CARS1: variants seen among roughly 807,000 people sequenced by gnomAD.
CARS1 encodes cysteine--tRNA ligase, cytoplasmic.
Under a neutral mutation model 106.2 loss-of-function variants are expected in CARS1, and 48 were observed. That is an observed-to-expected ratio of 0.45 (90% CI 0.36 to 0.57). The LOEUF (loss-of-function observed/expected upper bound fraction) is 0.57, where lower values mean the gene tolerates loss of function less well. Among genes scored for constraint, CARS1 ranks in the 20% least tolerant of loss-of-function variants. The pLI is 0.00. For synonymous variants in CARS1, 409 were observed against 403.4 expected (o/e 1.01, Z -0.17); for missense variants, 968 against 1,057.2 (o/e 0.92, Z 1.17).
chr11:3,041,220 C>A lies in CARS1; in HGVS notation c.367-236G>T. The stretch of plus-strand genomic sequence containing the variant: ...GGGCCTCTTCCTCCCTGGGGTTCTA[C>A]TCATCTATGGAGGGAGGCGATAAAG... On this transcript the variant is annotated intron_variant, in intron 3 of 22. Coordinates refer to ENST00000380525, the MANE Select transcript of CARS1 (RefSeq NM_001014437.3). This position sits in a 1 kb window ranked among gnomAD's most constrained non-coding sequence, Gnocchi z 4.9. 1.9e-6 allele frequency: 1 copy of A among 534,876 alleles called. No individual in the cohort carries two copies. The allele number at this position is 534,876 out of a possible 1,614,324, so 33.1% of individuals were successfully genotyped here.
chr11:3,057,018 G>A (rs1312492088), intron 1 of CARS1, among the ~76,000 whole-genome samples: 2 of 152,072 alleles, frequency 1.3e-5, no homozygotes, highest in African/African-American at 2.4e-5. Context: ...CCTCGGAGCC[G>A]GGCACCCGTT....
intron 1 of CARS1, among the ~76,000 whole-genome samples, chr11:3,056,353 T>C (rs1390516594): frequency 6.6e-6 from 1 of 152,222 alleles, no homozygotes; most frequent in East Asian, 1.9e-4. Flanking sequence ...GAAAGGCTGC[T>C]CCAGACTGTT....
intron 18 of CARS1, 57 bp from the exon 19 acceptor site, chr11:3,007,016 CAGTG>C: frequency 7.3e-7 from 1 of 1,373,790 alleles, no homozygotes; most frequent in Non-Finnish European, 1.0e-6. Flanking sequence ...CCCACACAAC[CAGTG>C]CCTCCTCCAG....
Position 3,000,989 on chromosome 11 carries a change from G to T in CARS1, c.*125C>A, listed in dbSNP as rs952601654. ...AGCCAACGACGACACGAACCTACAT[G>T]AACACAACTCTTAATTTAGGACCCA... On this transcript the variant is annotated 3_prime_UTR_variant, in exon 23 of 23. Coordinates refer to ENST00000380525, the MANE Select transcript of CARS1 (RefSeq NM_001014437.3). This position sits in a 1 kb window ranked among gnomAD's most constrained non-coding sequence, Gnocchi z 7.1. 7.2e-6 allele frequency: 8 copies of T among 1,104,144 alleles called. No individual in the cohort carries two copies. The highest frequency in any genetic ancestry group is 4.2e-5 in the Admixed American group (2 of 48,046). The allele number at this position is 1,104,144 out of a possible 1,614,324, so 68.4% of individuals were successfully genotyped here. A position where few individuals can be genotyped will look rare whatever the true frequency, so the allele number is the denominator to read the frequency against.
chr11:3,031,576 G>C (rs1321467000), intron 7 of CARS1: 1 of 152,214 alleles, frequency 6.6e-6, no homozygotes, highest in African/African-American at 2.4e-5. Context: ...CCTAACAACA[G>C]GTAAAAAGCT....
At chr11:3,035,771 C>G (rs1853530675) in intron 7 of CARS1, among the ~76,000 whole-genome samples, 4 of 152,228 alleles carry the variant, frequency 2.6e-5, no homozygotes, top group Admixed American at 2.6e-4. Flanking sequence ...CAAGTGTGAG[C>G]CACTGTGCCT....
At chr11:3,026,514 T>C (rs965946045) in intron 10 of CARS1, among the ~76,000 whole-genome samples, 162 bp downstream of exon 10, 2 of 152,080 alleles carry the variant, frequency 1.3e-5, no homozygotes, top group African/African-American at 4.8e-5. Flanking sequence ...AGCTGCACAA[T>C]GTTGAGTGCA....
Position 3,046,440 on chromosome 11 carries a change from G to A in CARS1, c.274+1313C>T, listed in dbSNP as rs138260317. 0.015 allele frequency among the ~76,000 whole-genome samples: 2,289 copies of A among 152,288 alleles called. 21 individuals carry two copies. Among genetic ancestry groups the A allele is most frequent in the Middle Eastern group, 0.048 (14 of 294 alleles). Reference sequence around the variant, plus strand: ...GCACAGGTGTCACTTGGGTGACCGCGCTGGAGGCTCAGGCAGGAACGGCTA... The same window carrying A: ...GCACAGGTGTCACTTGGGTGACCGCACTGGAGGCTCAGGCAGGAACGGCTA... On this transcript the variant is annotated intron_variant, in intron 2 of 22. Coordinates refer to ENST00000380525, the MANE Select transcript of CARS1 (RefSeq NM_001014437.3). The surrounding 1 kb of genome is among the most constrained non-coding windows in gnomAD (Gnocchi z 5.8).
chr11:3,041,031 A>G lies in CARS1; in HGVS notation c.367-47T>C. The G allele has an allele frequency of 1.2e-6, 2 of 1,613,812 alleles. No individual in the cohort carries two copies. Among genetic ancestry groups the G allele is most frequent in the Non-Finnish European group, 1.7e-6 (2 of 1,179,838 alleles). ...GACGATCACAAGAAATGCAAGAAAC[A>G]CTGCACAGGATTACCAAAAACAGCA... On this transcript the variant is annotated intron_variant, in intron 3 of 22. Transcript: ENST00000380525. This position sits in a 1 kb window ranked among gnomAD's most constrained non-coding sequence, Gnocchi z 4.9.
At chr11:3,018,586 G>T in intron 13 of CARS1, 34 bp downstream of exon 13, 2 of 1,613,442 alleles carry the variant, frequency 1.2e-6, no homozygotes, top group Non-Finnish European at 1.7e-6. Flanking sequence ...ATGAGAAGGT[G>T]GTTGGGGGGT....
rs1468897505 is a variant in CARS1, at chr11:3,040,979, C to T, written c.372G>A (p.Val124=). The T allele has an allele frequency of 5.0e-6, 8 of 1,614,000 alleles. No homozygotes were observed. The highest frequency in any genetic ancestry group is 1.3e-5 in the African/African-American group (1 of 74,926). ...CCTTTTTCCCATCTTGAGGTATGAA[C>T]ACTTCCTTTGTTAGGAATGAAGGAA... ...LYNSLTRNKE[V]FIPQDGKKVT... is the part of the protein sequence containing the mutation. The change falls in exon 4 of 23, where the codon GTG becomes GTA. Residue 124 remains valine (V), a synonymous_variant. Coordinates refer to ENST00000380525, the MANE Select transcript of CARS1 (RefSeq NM_001014437.3). The surrounding 1 kb of genome is among the most constrained non-coding windows in gnomAD (Gnocchi z 5.8).
In CARS1 at chr11:3,002,617, G is replaced by A. The variant is rs374825057; in HGVS notation, c.2218-17C>T. The stretch of plus-strand genomic sequence containing the variant: ...CTCTTCAACCTGGAGGGTCAATACA[G>A]AGCCAGATGAGACAGGGCTGCCTCA... On this transcript the variant is annotated splice_polypyrimidine_tract_variant and intron_variant, in intron 20 of 22. Transcript: ENST00000380525. The A allele has an allele frequency of 6.9e-5, 111 of 1,613,724 alleles. No homozygotes were observed. Among genetic ancestry groups the A allele is most frequent in the Non-Finnish European group, 8.4e-5 (99 of 1,179,910 alleles).
At chr11:3,035,632 T>C (rs1853515806) in intron 7 of CARS1, among the ~76,000 whole-genome samples, 1 of 152,138 alleles carries the variant, frequency 6.6e-6, no homozygotes, top group Non-Finnish European at 1.5e-5. Flanking sequence ...ACCACAGGCT[T>C]GCATCACCAT....
intron 1 of CARS1, among the ~76,000 whole-genome samples, chr11:3,056,752 G>A (rs545724422): frequency 6.6e-6 from 1 of 152,258 alleles, no homozygotes; most frequent in East Asian, 1.9e-4. Context: ...TTGGGCCTTT[G>A]TCTCCCCCCT....
chr11:3,043,558 C>T lies in CARS1; in HGVS notation c.275-1302G>A, dbSNP rs1487957901. Among the ~76,000 whole-genome samples, 1 of 151,418 alleles carries T rather than the reference C, an allele frequency of 6.6e-6. No homozygotes were observed. Among genetic ancestry groups the T allele is most frequent in the Non-Finnish European group, 1.5e-5 (1 of 67,850 alleles). On this transcript the variant is annotated intron_variant, in intron 2 of 22. Coordinates refer to ENST00000380525, the MANE Select transcript of CARS1 (RefSeq NM_001014437.3). The surrounding 1 kb of genome is among the most constrained non-coding windows in gnomAD (Gnocchi z 4.0). ...GCCTACGAGATGGATACTCCTAGCA[C>T]TGACCTGTGCCCACCCCAGCAGGCC...
In CARS1 at chr11:3,002,566, G is replaced by A. The variant is rs141404196; in HGVS notation, c.2252C>T (p.Ala751Val). 4.4e-5 allele frequency: 71 copies of A among 1,613,942 alleles called. No homozygotes were observed. Among genetic ancestry groups the A allele is most frequent in the East Asian group, 1.1e-4 (5 of 44,876 alleles). ...EEEKRKKKEE[A>V]ARRKQEQEAA... is the part of the protein sequence containing the mutation. Reference sequence around the variant, plus strand: ...TTCTTGTTCCTGTTTCCTCCGGGCCGCCTCCTCTTTCTTCTTCCTCTTCTC... The same window carrying A: ...TTCTTGTTCCTGTTTCCTCCGGGCCACCTCCTCTTTCTTCTTCCTCTTCTC... The change falls in exon 21 of 23, where the codon GCG (alanine) becomes GTG (valine). Residue 751 changes from alanine to valine, a missense_variant. Transcript: ENST00000380525.
In CARS1 at chr11:3,004,701, G is replaced by A. The variant is rs963750762; in HGVS notation, c.2217+665C>T. Among the ~76,000 whole-genome samples, 1 of 152,212 alleles carries A rather than the reference G, an allele frequency of 6.6e-6. No homozygotes were observed. Among genetic ancestry groups the A allele is most frequent in the African/African-American group, 2.4e-5 (1 of 41,458 alleles). On this transcript the variant is annotated intron_variant, in intron 20 of 22. Coordinates refer to ENST00000380525, the MANE Select transcript of CARS1 (RefSeq NM_001014437.3). The surrounding 1 kb of genome is among the most constrained non-coding windows in gnomAD (Gnocchi z 5.2). ...GCACCGAGGAACTTGGGCCATCCCT[G>A]ATCCTGGGGGCGTTGTGGGGTGCAG...
In CARS1 at chr11:3,048,021, A is replaced by G. The variant is rs1166918765; in HGVS notation, c.26-20T>C. ...CAGGAGCTGCAAAGACAGAGGGCAC[A>G]TGGTGTCAGGCAGGCAGGCGGGCAG... is the stretch of plus-strand genomic sequence containing the variant. On this transcript the variant is annotated intron_variant, in intron 1 of 22. Transcript: ENST00000380525. This position sits in a 1 kb window ranked among gnomAD's most constrained non-coding sequence, Gnocchi z 5.1. The G allele has an allele frequency of 4.4e-6, 7 of 1,606,552 alleles. No individual in the cohort carries two copies. The East Asian group carries it at 6.7e-5, about 15-fold the overall frequency.
At chr11:3,025,889 C>A (rs969565313) in intron 10 of CARS1, among the ~76,000 whole-genome samples, 1 of 152,196 alleles carries the variant, frequency 6.6e-6, no homozygotes, top group African/African-American at 2.4e-5. Flanking sequence ...CCCCACAATC[C>A]CCCTAAACCT....
Sources: allele counts gnomAD v4.1 joint callset (sites outside exome capture counted in the v4.1 genomes callset), GRCh38; gene constraint gnomAD v4.1.1; non-coding constraint Gnocchi (gnomAD v3.1); transcripts MANE v1.5; gene names NCBI Gene and HGNC (gene_info 2026-07-23, HGNC 2026-07-21).